Variants in WDR49 observed in about 807,000 individuals in gnomAD.
WDR49 encodes WD repeat domain 49, also known as cilia- and flagella-associated protein 337.
WDR49 carries 107 observed loss-of-function variants against 119.5 expected under a neutral mutation model. The ratio of observed to expected loss-of-function variants is 0.90; its 90% CI spans 0.77 to 1.05. WDR49 has a LOEUF of 1.05. Ranked by LOEUF, WDR49 falls within the 50% of genes least tolerant of loss-of-function variation. WDR49 has a pLI of 0.00. For synonymous variants in WDR49, 425 were observed against 418.8 expected (o/e 1.01, Z -0.18); for missense variants, 1,240 against 1,220.5 (o/e 1.02, Z -0.24).
Position 167,620,498 on chromosome 3 carries a change from G to A in WDR49, c.889C>T (p.Leu297Phe), listed in dbSNP as rs565230109. ...ATMTINWAEL[L>F]SGCHKCCHIL... The stretch of plus-strand genomic sequence containing the variant: ...TGGCAACATTTGTGACATCCAGAGA[G>A]CAGCTCTGCCCAGTTAATGGTCATA... The change falls in exon 5 of 19, where the codon CTC becomes TTC. Residue 297 changes from leucine (L) to phenylalanine (F), a missense_variant. Physicochemically the swap from Leu to Phe is conservative, Grantham distance 22 (BLOSUM62 0). Coordinates refer to ENST00000682715, the MANE Select transcript of WDR49 (RefSeq NM_001366157.1). The A allele has an allele frequency of 1.6e-5, 25 of 1,535,990 alleles. No homozygotes were observed. The highest frequency in any genetic ancestry group is 2.0e-5 in the Non-Finnish European group (23 of 1,146,768).
intron 7 of WDR49, among the ~76,000 whole-genome samples, chr3:167,581,039 G>GCTTA (rs1714503805): frequency 6.6e-6 from 1 of 152,014 alleles, no homozygotes; most frequent in Middle Eastern, 3.4e-3. Context: ...CTAAACTCAG[G>GCTTA]CTTACTAAGT....
At chr3:167,554,290 A>C (rs1712781222) in intron 10 of WDR49, among the ~76,000 whole-genome samples, 1 of 152,192 alleles carries the variant, frequency 6.6e-6, no homozygotes, top group East Asian at 1.9e-4. Flanking sequence ...ATTGAAAATA[A>C]GTCATGAGAA....
At position 167,532,926 on chromosome 3, in the gene WDR49, T is replaced by G; in HGVS notation, c.2006A>C (p.His669Pro). The change falls in exon 12 of 19, where the codon CAC (histidine) becomes CCC (proline). Residue 669 changes from histidine to proline, a missense_variant. Physicochemically the swap from His to Pro is moderately conservative, Grantham distance 77. Coordinates refer to ENST00000682715, the MANE Select transcript of WDR49 (RefSeq NM_001366157.1). ...VLWNNSTENA[H>P]HVLHPDYQRL... is the part of the protein sequence containing the mutation. ...CTGGTAATCAGGGTGAAGAACATGG[T>G]GAGCATTCTCTGTGCTATTGTTCCA... 2.5e-6 allele frequency: 4 copies of G among 1,610,204 alleles called. No individual in the cohort carries two copies. The highest frequency in any genetic ancestry group is 3.4e-6 in the Non-Finnish European group (4 of 1,177,448).
intron 7 of WDR49, among the ~76,000 whole-genome samples, chr3:167,600,468 A>G (rs1225817307): frequency 1.3e-5 from 2 of 152,124 alleles, no homozygotes; most frequent in African/African-American, 4.8e-5. Flanking sequence ...GTGAGTGCTC[A>G]CCTGATTTTT....
chr3:167,534,882 A>G (rs1366992272), intron 11 of WDR49, among the ~76,000 whole-genome samples: 1 of 152,190 alleles, frequency 6.6e-6, no homozygotes, highest in Non-Finnish European at 1.5e-5. Context: ...AATTATGCCA[A>G]AGAGTTACTA....
chr3:167,525,524 ACAAT>A (rs1350409288), intron 15 of WDR49, among the ~76,000 whole-genome samples: 1 of 152,128 alleles, frequency 6.6e-6, no homozygotes, highest in Non-Finnish European at 1.5e-5. Context: ...ATGAAGAGAC[ACAAT>A]CAAAGTCACT....
intron 5 of WDR49, among the ~76,000 whole-genome samples, chr3:167,615,308 G>C (rs912163424): frequency 2.6e-5 from 4 of 151,950 alleles, no homozygotes; most frequent in Non-Finnish European, 5.9e-5. Flanking sequence ...GCTAATTCTT[G>C]TGTTTTTTAT....
At chr3:167,507,806 C>T (rs1751832450) in intron 16 of WDR49, among the ~76,000 whole-genome samples, 1 of 152,128 alleles carries the variant, frequency 6.6e-6, no homozygotes, top group South Asian at 2.1e-4. Flanking sequence ...GAAATCACAA[C>T]AAATTAAGTC....
At chr3:167,526,337 G>A (rs1319524539) in intron 15 of WDR49, among the ~76,000 whole-genome samples, 4 of 152,112 alleles carry the variant, frequency 2.6e-5, no homozygotes, top group African/African-American at 7.2e-5. Context: ...CACCTAGAAC[G>A]GTGTTATTTC....
chr3:167,642,625 C>T (rs1393570849), intron 2 of WDR49, among the ~76,000 whole-genome samples: 2 of 151,750 alleles, frequency 1.3e-5, no homozygotes, highest in African/African-American at 4.8e-5. Flanking sequence ...CTGAAAGTAC[C>T]TGGAAGCAAT....
intron 5 of WDR49, among the ~76,000 whole-genome samples, chr3:167,616,299 A>G (rs1044682244): frequency 5.9e-5 from 9 of 152,376 alleles, no homozygotes; most frequent in Non-Finnish European, 1.0e-4. Flanking sequence ...GCTTCCAGCC[A>G]TGATGGCATA....
intron 8 of WDR49, chr3:167,566,712 G>T (rs1713619939): frequency 2.3e-6 from 1 of 433,222 alleles, no homozygotes; most frequent in African/African-American, 2.0e-5. Flanking sequence ...AACATAAACA[G>T]TTGATTAACA....
At chr3:167,524,889 G>T (rs1752579151) in intron 15 of WDR49, among the ~76,000 whole-genome samples, 1 of 152,114 alleles carries the variant, frequency 6.6e-6, no homozygotes, top group Non-Finnish European at 1.5e-5. Context: ...GGCAACATGG[G>T]CTCTTTTTCA....
At chr3:167,503,011 G>A (rs1404384570) in intron 17 of WDR49, among the ~76,000 whole-genome samples, 4 of 152,150 alleles carry the variant, frequency 2.6e-5, no homozygotes, top group Non-Finnish European at 5.9e-5. Flanking sequence ...GGCCTTGAAG[G>A]CCTTCTAGAC....
chr3:167,522,267 CTT>C, intron 16 of WDR49, 46 bp downstream of exon 16: 1 of 1,503,314 alleles, frequency 6.7e-7, no homozygotes, highest in African/African-American at 1.4e-5. Flanking sequence ...TTATCTATGT[CTT>C]ATCTAGACTT....
Position 167,604,334 on chromosome 3 carries a change from C to T in WDR49, c.1093G>A (p.Ala365Thr). The T allele has an allele frequency of 1.2e-6, 2 of 1,613,704 alleles. No homozygotes were observed. The highest frequency in any genetic ancestry group is 2.7e-5 in the African/African-American group (2 of 75,014). The change falls in exon 6 of 19, where the codon GCT becomes ACT. Residue 365 changes from alanine to threonine, a missense_variant. By Grantham distance (58) the Ala-to-Thr change is moderately conservative. Transcript: ENST00000682715. The stretch of plus-strand genomic sequence containing the variant: ...TTGAGCCGAGAGTGATAATCAAAAG[C>T]ATGAATGCCCTGGGCAATGTTGAAG... ...TSFNIAQGIHAFDYHSRLNLI... is the reference protein window; with the variant it reads ...TSFNIAQGIHTFDYHSRLNLI...
intron 7 of WDR49, among the ~76,000 whole-genome samples, chr3:167,577,341 G>C (rs1455631149): frequency 6.6e-6 from 1 of 151,938 alleles, no homozygotes; most frequent in African/African-American, 2.4e-5. Flanking sequence ...TCTCCAAAAG[G>C]GGGTATCAGG....
intron 5 of WDR49, among the ~76,000 whole-genome samples, chr3:167,613,568 T>C (rs538700805): frequency 6.6e-6 from 1 of 152,348 alleles, no homozygotes; most frequent in Non-Finnish European, 1.5e-5. Flanking sequence ...CTGGCTTCTC[T>C]GCCAACTTAG....
At chr3:167,603,682 G>A (rs995364355) in intron 6 of WDR49, among the ~76,000 whole-genome samples, 1 of 152,014 alleles carries the variant, frequency 6.6e-6, no homozygotes, top group African/African-American at 2.4e-5. Flanking sequence ...CAAATTATCA[G>A]CTTTCAGAAT....
Sources: allele counts gnomAD v4.1 joint callset (sites outside exome capture counted in the v4.1 genomes callset), GRCh38; gene constraint gnomAD v4.1.1; transcripts MANE v1.5; gene names NCBI Gene and HGNC (gene_info 2026-07-23, HGNC 2026-07-21).